The following ACACA variants were observed in gnomAD, a reference collection of about 807,000 sequenced individuals.
ACACA encodes the protein acetyl-CoA carboxylase 1.
Under a neutral mutation model 296.1 loss-of-function variants are expected in ACACA, and 103 were observed. The observed-to-expected ratio is 0.35, with a 90% confidence interval of 0.30 to 0.41. ACACA has a LOEUF of 0.41. ACACA is among the 10% of genes least tolerant of loss of function. ACACA has a pLI of 1.00. For missense variants in ACACA, 1,554 were observed against 2,989.7 expected (o/e 0.52, Z 11.20); for synonymous variants, 953 against 1,038.6 (o/e 0.92, Z 1.58).
Position 37,336,578 on chromosome 17 carries a change from C to T in ACACA, c.85+3226G>A, listed in dbSNP as rs1056500347. Among the ~76,000 whole-genome samples the T allele has an allele frequency of 2.0e-5, 3 of 152,152 alleles. No homozygotes were observed. The East Asian group carries it at 5.8e-4, about 29-fold the overall frequency. On this transcript the variant is annotated intron_variant, in intron 2 of 55. Coordinates refer to ENST00000616317, the MANE Select transcript of ACACA (RefSeq NM_198834.3). ...ACAGCACAGCAGGAGGGACAATGAT[C>T]GGGATATAAACCCAGGCATTCGAGC...
At chr17:37,326,526 C>T (rs1476056839) in intron 3 of ACACA, among the ~76,000 whole-genome samples, 1 of 150,728 alleles carries the variant, frequency 6.6e-6, no homozygotes, top group East Asian at 2.0e-4. Context: ...AGCGAAACTC[C>T]GTCTCAAAAG....
Position 37,274,294 on chromosome 17 carries a change from G to T in ACACA, c.907C>A (p.Arg303Ser). The T allele has an allele frequency of 6.2e-7, 1 of 1,613,400 alleles. No individual in the cohort carries two copies. Among genetic ancestry groups the T allele is most frequent in the Non-Finnish European group, 8.5e-7 (1 of 1,179,358 alleles). ...AAATCATTTTCCTGCCAGTCCACACGAAGACCTGCAACAGACAATAGCAAC... is the reference window on the plus strand; with the variant it reads ...AAATCATTTTCCTGCCAGTCCACACTAAGACCTGCAACAGACAATAGCAAC... ...PTLPWSGSGL[R>S]VDWQENDFSK... The change falls in exon 9 of 56, where the codon CGT (arginine) becomes AGT (serine). Residue 303 changes from arginine (R) to serine (S), a missense_variant. Physicochemically the swap from Arg to Ser is moderately radical, Grantham distance 110 (BLOSUM62 -1). This residue lies in a region of ACACA where 47 missense variants were observed against 55.4 expected (regional missense o/e 0.85). Transcript: ENST00000616317.
chr17:37,173,360 G>A (rs2076946564), intron 41 of ACACA, among the ~76,000 whole-genome samples: 1 of 152,166 alleles, frequency 6.6e-6, no homozygotes, highest in Non-Finnish European at 1.5e-5. Flanking sequence ...GGTCCTTTGG[G>A]TTAAGAGGTC....
Position 37,192,315 on chromosome 17 carries a change from A to G in ACACA, c.4201-10T>C, listed in dbSNP as rs1328052459. On this transcript the variant is annotated splice_polypyrimidine_tract_variant and intron_variant, in intron 36 of 55. Coordinates refer to ENST00000616317, the MANE Select transcript of ACACA (RefSeq NM_198834.3). ...TACGATCCTCCTCAAACTGAGTACA[A>G]GAATCAGAGAAAAAACAGCTCACAA... 6.2e-7 allele frequency: 1 copy of G among 1,612,856 alleles called. No homozygotes were observed.
intron 52 of ACACA, among the ~76,000 whole-genome samples, chr17:37,102,853 C>T (rs2073445396): frequency 6.6e-6 from 1 of 152,194 alleles, no homozygotes; most frequent in Non-Finnish European, 1.5e-5. Flanking sequence ...AAATAAATGC[C>T]TGTAATGCTC....
At chr17:37,159,954 C>T (rs1014960629) in intron 42 of ACACA, among the ~76,000 whole-genome samples, 12 of 152,192 alleles carry the variant, frequency 7.9e-5, no homozygotes, top group African/African-American at 2.9e-4. Flanking sequence ...AATGCTAATG[C>T]TATTGTCAAA....
intron 29 of ACACA, among the ~76,000 whole-genome samples, chr17:37,218,280 T>C (rs919443690): frequency 3.9e-5 from 6 of 152,084 alleles, no homozygotes; most frequent in African/African-American, 4.8e-5. Flanking sequence ...CTAGTTTATA[T>C]TGAGATATGC....
intron 1 of ACACA, among the ~76,000 whole-genome samples, chr17:37,366,471 C>CT (rs35706744): frequency 0.17 from 23,566 of 138,968 alleles, 2,431 homozygotes; most frequent in Admixed American, 0.31. Context: ...AATGTCATGT[C>CT]TTTTTTTTTT....
chr17:37,272,668 G>C (rs2082119876), intron 9 of ACACA, among the ~76,000 whole-genome samples: 1 of 152,020 alleles, frequency 6.6e-6, no homozygotes, highest in Admixed American at 6.5e-5. Flanking sequence ...AAAATATTTT[G>C]GAAGAATTTT....
intron 52 of ACACA, among the ~76,000 whole-genome samples, chr17:37,104,948 A>G (rs1222248219): frequency 6.6e-6 from 1 of 150,760 alleles, no homozygotes; most frequent in Non-Finnish European, 1.5e-5. Flanking sequence ...CTGACCGAAA[A>G]AAAAAAAAAA....
At chr17:37,260,278 ATATATATATATATATATATTTTTTTT>A (rs1343281996) in intron 11 of ACACA, among the ~76,000 whole-genome samples, 20 of 31,202 alleles carry the variant, frequency 6.4e-4, no homozygotes, top group African/African-American at 3.4e-3. Flanking sequence ...ATATATATAT[ATATATATATATATATATATTTTTTTT>A]TTTTTTTTTT....
intron 3 of ACACA, among the ~76,000 whole-genome samples, chr17:37,315,099 C>T (rs1269821111): frequency 6.6e-6 from 1 of 151,790 alleles, no homozygotes; most frequent in African/African-American, 2.4e-5. Flanking sequence ...GCTGGGATTA[C>T]AAGAATGTGC....
intron 1 of ACACA, chr17:37,365,634 A>G (rs2049580753): frequency 4.1e-6 from 4 of 985,306 alleles, no homozygotes; most frequent in South Asian, 4.7e-5. Flanking sequence ...TTATCTGAAT[A>G]CTATGTCTCT....
chr17:37,287,731 A>C (rs1225087745), intron 3 of ACACA, among the ~76,000 whole-genome samples: 2 of 150,826 alleles, frequency 1.3e-5, no homozygotes, highest in Non-Finnish European at 3.0e-5. Flanking sequence ...CGACAGAGCG[A>C]GACTCTGTCT....
At chr17:37,178,771 A>G (rs573727782) in intron 41 of ACACA, among the ~76,000 whole-genome samples, 3 of 152,322 alleles carry the variant, frequency 2.0e-5, no homozygotes, top group African/African-American at 7.2e-5. Context: ...ACTGCACTCC[A>G]GCCTGTGTGA....
chr17:37,179,486 C>G, intron 40 of ACACA, 80 bp from the exon 41 acceptor site: 1 of 1,512,934 alleles, frequency 6.6e-7, no homozygotes, highest in Non-Finnish European at 9.1e-7. Context: ...TTCAGTCAAT[C>G]TGGTTTTGCC....
At chr17:37,297,576 C>G (rs1442662267) in intron 3 of ACACA, among the ~76,000 whole-genome samples, 2 of 150,800 alleles carry the variant, frequency 1.3e-5, no homozygotes, top group Non-Finnish European at 2.9e-5. Context: ...GAGTTTCGCT[C>G]TTGTCACCCA....
intron 19 of ACACA, among the ~76,000 whole-genome samples, chr17:37,245,529 G>A (rs2080652298): frequency 1.3e-5 from 2 of 152,170 alleles, no homozygotes; most frequent in South Asian, 2.1e-4. Context: ...TCATACCAGT[G>A]AATCCAATCT....
intron 10 of ACACA, among the ~76,000 whole-genome samples, chr17:37,264,424 T>C (rs762480680): frequency 1.6e-4 from 25 of 152,256 alleles, no homozygotes; most frequent in Non-Finnish European, 3.5e-4. Context: ...TCACTGTTTC[T>C]ACTGAGATGC....
Sources: gnomAD v4.1 joint callset for allele counts (sites outside exome capture counted in the v4.1 genomes callset) on GRCh38, gnomAD v4.1.1 for gene constraint, gnomAD v4.1.1 regional missense constraint, MANE v1.5 for transcripts, NCBI Gene and HGNC (gene_info 2026-07-23, HGNC 2026-07-21) for gene names.